The following ZCCHC10 variants were observed in gnomAD, a reference collection of about 807,000 sequenced individuals.
The protein encoded by ZCCHC10 is zinc finger CCHC-type containing 10.
Under a neutral mutation model 19.5 loss-of-function variants are expected in ZCCHC10, and 16 were observed. The observed-to-expected ratio is 0.82, with a 90% confidence interval of 0.56 to 1.25. ZCCHC10 has a LOEUF of 1.25. Among genes scored for constraint, ZCCHC10 ranks in the 50% most tolerant of loss-of-function variants. The pLI is 0.00. For missense variants in ZCCHC10, 197 were observed against 201.0 expected, an observed-to-expected ratio of 0.98 and a Z score of 0.12; for synonymous variants, 67 against 72.5, an observed-to-expected ratio of 0.92 and a Z score of 0.38.
chr5:133,008,570 A>G (rs898412993), intron 2 of ZCCHC10, among the ~76,000 whole-genome samples: 10 of 151,542 alleles, frequency 6.6e-5, no homozygotes, highest in Non-Finnish European at 1.2e-4. Flanking sequence ...AGAATCAACA[A>G]GGGGGTCAAG....
intron 3 of ZCCHC10, among the ~76,000 whole-genome samples, chr5:133,005,430 T>C (rs539478321): frequency 3.3e-5 from 5 of 152,130 alleles, no homozygotes; most frequent in South Asian, 2.1e-4. Context: ...CTGGGCAACA[T>C]GGCAAAATCC....
At chr5:133,008,999 G>T (rs895204943) in intron 2 of ZCCHC10, among the ~76,000 whole-genome samples, 1 of 151,926 alleles carries the variant, frequency 6.6e-6, no homozygotes, top group Non-Finnish European at 1.5e-5. Flanking sequence ...GGTGACAGAG[G>T]GAGATTCTCT....
chr5:133,010,501 A>C (rs1165020628), intron 2 of ZCCHC10, among the ~76,000 whole-genome samples: 1 of 152,192 alleles, frequency 6.6e-6, no homozygotes, highest in Non-Finnish European at 1.5e-5. Flanking sequence ...GCTCATATAT[A>C]AACAACATTC....
rs534182707 is a variant in ZCCHC10 at position 133,004,858 on chromosome 5, A to G, written c.269+1901T>C. On this transcript the variant is annotated intron_variant, in intron 3 of 4. Coordinates refer to ENST00000509437, the MANE Select transcript of ZCCHC10 (RefSeq NM_001300816.3). ...TAAATAGATTGATTGGAATGGAAAG[A>G]CTTTTGTTATTTCCATGTCACTCGA... 3.9e-5 allele frequency among the ~76,000 whole-genome samples: 6 copies of G among 152,272 alleles called. No homozygotes were observed. In the South Asian group the frequency reaches 1.0e-3, roughly 26 times the overall value.
chr5:133,019,211 A>G (rs1764129943), intron 2 of ZCCHC10: 1 of 329,286 alleles, frequency 3.0e-6, no homozygotes, highest in South Asian at 2.2e-5. Context: ...TCTCTAAAAA[A>G]AAAAAACAGA....
intron 2 of ZCCHC10, among the ~76,000 whole-genome samples, chr5:133,012,924 G>T (rs1057112288): frequency 2.0e-5 from 3 of 151,594 alleles, no homozygotes; most frequent in Non-Finnish European, 4.4e-5. Context: ...AGTGGCGGGT[G>T]CCTGTAGTCC....
At chr5:133,023,937 A>G (rs1764500859) in intron 1 of ZCCHC10, among the ~76,000 whole-genome samples, 1 of 152,110 alleles carries the variant, frequency 6.6e-6, no homozygotes, top group Admixed American at 6.6e-5. Flanking sequence ...TTTCCCCCCA[A>G]ATTCTCTTGG....
chr5:133,023,426 CT>C (rs1236772804), intron 1 of ZCCHC10, among the ~76,000 whole-genome samples: 3 of 149,120 alleles, frequency 2.0e-5, no homozygotes, highest in Non-Finnish European at 4.4e-5. Flanking sequence ...CGTATTTAGA[CT>C]TTTTTCCCCG....
chr5:133,000,439 A>G (rs527955069), intron 3 of ZCCHC10, among the ~76,000 whole-genome samples: 2 of 152,300 alleles, frequency 1.3e-5, no homozygotes, highest in Admixed American at 1.3e-4. Flanking sequence ...GTTAGTAGTT[A>G]AGATGATTAA....
chr5:133,003,368 G>A, intron 3 of ZCCHC10: 1 of 344,148 alleles, frequency 2.9e-6, no homozygotes. Flanking sequence ...ATTTCTAAAT[G>A]AAATGTTTTA....
At chr5:133,005,444 C>A (rs1221829859) in intron 3 of ZCCHC10, among the ~76,000 whole-genome samples, 1 of 152,084 alleles carries the variant, frequency 6.6e-6, no homozygotes, top group Non-Finnish European at 1.5e-5. Context: ...AAAATCCCAT[C>A]TCTACCAAAA....
rs1762557299 is a variant in ZCCHC10, at chr5:132,998,504, G to A, written c.*79C>T. On this transcript the variant is annotated 3_prime_UTR_variant, in exon 5 of 5. Coordinates refer to ENST00000509437, the MANE Select transcript of ZCCHC10 (RefSeq NM_001300816.3). ...AAATGTTCACCAGTTAACCTACTTG[G>A]CCTTAACATATTCTAAATTCCCTTT... 7.7e-7 allele frequency: 1 copy of A among 1,303,800 alleles called. No individual in the cohort carries two copies. The highest frequency in any genetic ancestry group is 1.5e-5 in the African/African-American group (1 of 68,580). The allele number at this position is 1,303,800 out of a possible 1,614,324, so 80.8% of individuals were successfully genotyped here. A position where few individuals can be genotyped will look rare whatever the true frequency, so the allele number is the denominator to read the frequency against.
chr5:133,013,359 C>A (rs1177360261), intron 2 of ZCCHC10, among the ~76,000 whole-genome samples: 2 of 151,226 alleles, frequency 1.3e-5, no homozygotes, highest in Non-Finnish European at 2.9e-5. Flanking sequence ...AAAACCCCAA[C>A]AAAACACCAC....
At position 133,007,600 on chromosome 5, in the gene ZCCHC10, T is replaced by C. The variant is rs919444485; in HGVS notation, c.108-680A>G. Among the ~76,000 whole-genome samples the C allele has an allele frequency of 3.3e-5, 5 of 152,094 alleles. No individual in the cohort carries two copies. The East Asian group carries it at 9.7e-4, about 29-fold the overall frequency. On this transcript the variant is annotated intron_variant, in intron 2 of 4. Coordinates refer to ENST00000509437, the MANE Select transcript of ZCCHC10 (RefSeq NM_001300816.3). The stretch of plus-strand genomic sequence containing the variant: ...GTTTCCCTGCACAGTCTCTCTCTCT[T>C]TTCTTGCTGCCGTCCATGTAAGATG...
At chr5:133,003,320 G>T in intron 3 of ZCCHC10, 1 of 432,292 alleles carries the variant, frequency 2.3e-6, no homozygotes, top group South Asian at 1.8e-5. Flanking sequence ...TCTACTCAGT[G>T]AATGTGGATT....
chr5:133,025,231 G>A (rs1196580165), intron 1 of ZCCHC10, among the ~76,000 whole-genome samples: 1 of 152,028 alleles, frequency 6.6e-6, no homozygotes, highest in Non-Finnish European at 1.5e-5. Flanking sequence ...GTTGCCGCGC[G>A]CGGTAGCTCA....
At chr5:133,012,860 C>T (rs1045833556) in intron 2 of ZCCHC10, among the ~76,000 whole-genome samples, 47 of 151,952 alleles carry the variant, frequency 3.1e-4, no homozygotes, top group African/African-American at 1.1e-3. Context: ...ACCATCCTGG[C>T]TAACACGGTG....
chr5:133,001,953 CTTTTTTTTTTTTTTT>C (rs34331639), intron 3 of ZCCHC10, among the ~76,000 whole-genome samples: 4 of 77,842 alleles, frequency 5.1e-5, no homozygotes, highest in Admixed American at 1.4e-4. Context: ...ATTCAGCAAT[CTTTTTTTTTTTTTTT>C]TTTTTTTTTT....
rs994549937 is a variant in ZCCHC10 at position 133,000,022 on chromosome 5, A to G, written c.311+110T>C. The G allele has an allele frequency of 8.0e-6, 10 of 1,254,938 alleles. No individual in the cohort carries two copies. In the African/African-American group the frequency reaches 1.0e-4, roughly 13 times the overall value. The allele number at this position is 1,254,938 out of a possible 1,614,324, so 77.7% of individuals were successfully genotyped here. A position where few individuals can be genotyped will look rare whatever the true frequency, so the allele number is the denominator to read the frequency against. ...CTTGGCCTCCCAAAGTGCTGGGATT[A>G]TAGGCATGAGCCACTGCATCTGGCA... On this transcript the variant is annotated intron_variant, in intron 4 of 4. Coordinates refer to ENST00000509437, the MANE Select transcript of ZCCHC10 (RefSeq NM_001300816.3).
Sources: allele counts gnomAD v4.1 joint callset (sites outside exome capture counted in the v4.1 genomes callset), GRCh38; gene constraint gnomAD v4.1.1; transcripts MANE v1.5; gene names NCBI Gene and HGNC (gene_info 2026-07-23, HGNC 2026-07-21).